The following GRIP1 variants were observed in gnomAD, a reference collection of about 807,000 sequenced individuals.
The protein encoded by GRIP1 is glutamate receptor interacting protein 1, also known as glutamate receptor-interacting protein 1.
In GRIP1, 45 loss-of-function variants were observed where a neutral mutation model predicts 129.9. The observed-to-expected ratio is 0.35, with a 90% CI of 0.27 to 0.44. GRIP1 has a LOEUF of 0.44. Among genes scored for constraint, GRIP1 ranks in the 20% least tolerant of loss-of-function variants. The pLI is 1.00. For missense variants in GRIP1, 1,196 were observed against 1,396.8 expected, an observed-to-expected ratio of 0.86 and a Z score of 2.29; for synonymous variants, 530 against 520.8, an observed-to-expected ratio of 1.02 and a Z score of -0.24.
At chr12:66,492,459 G>C (rs867989934) in intron 7 of GRIP1, among the ~76,000 whole-genome samples, 2 of 152,062 alleles carry the variant, frequency 1.3e-5, no homozygotes, top group Non-Finnish European at 2.9e-5. Flanking sequence ...CCAATGTCCT[G>C]TCAACCGGGA....
chr12:66,579,994 G>C (rs1172400660), intron 2 of GRIP1, among the ~76,000 whole-genome samples: 2 of 142,164 alleles, frequency 1.4e-5, no homozygotes, highest in Non-Finnish European at 3.1e-5. Context: ...AAAATGTTAA[G>C]GGCAGCCAGA....
At chr12:66,994,175 G>A (rs2042433544) in intron 1 of GRIP1, among the ~76,000 whole-genome samples, 1 of 150,338 alleles carries the variant, frequency 6.7e-6, no homozygotes, top group African/African-American at 2.4e-5. Flanking sequence ...GTATTGCCCT[G>A]ATATCAAAAC....
intron 19 of GRIP1, among the ~76,000 whole-genome samples, chr12:66,382,950 T>C (rs1029715516): frequency 4.6e-5 from 7 of 152,032 alleles, no homozygotes; most frequent in African/African-American, 1.7e-4. Context: ...AAAAATGACA[T>C]ATAAGCTTGC....
At chr12:66,588,678 T>A (rs1446542849) in intron 2 of GRIP1, among the ~76,000 whole-genome samples, 2 of 152,076 alleles carry the variant, frequency 1.3e-5, no homozygotes, top group African/African-American at 2.4e-5. Flanking sequence ...CTCTCAGAAC[T>A]TCAGTTTGCT....
At chr12:66,452,110 C>T (rs563651540) in intron 11 of GRIP1, among the ~76,000 whole-genome samples, 67 of 152,292 alleles carry the variant, frequency 4.4e-4, no homozygotes, top group Non-Finnish European at 6.0e-4. Flanking sequence ...TGGGAAGAGA[C>T]GGAGTCTCTA....
intron 1 of GRIP1, among the ~76,000 whole-genome samples, chr12:66,737,209 G>A (rs994694877): frequency 2.6e-5 from 4 of 152,038 alleles, no homozygotes; most frequent in Non-Finnish European, 4.4e-5. Flanking sequence ...TGACTGACTC[G>A]TTTTTTTCTT....
chr12:66,679,563 G>C (rs1316394860), upstream of GRIP1, among the ~76,000 whole-genome samples: 1 of 151,428 alleles, frequency 6.6e-6, no homozygotes, highest in African/African-American at 2.4e-5. Flanking sequence ...AGACCTCTTT[G>C]GTACTTCCTG....
chr12:66,549,240 G>C (rs779056683), intron 2 of GRIP1, among the ~76,000 whole-genome samples: 4 of 152,080 alleles, frequency 2.6e-5, no homozygotes, highest in African/African-American at 4.8e-5. Context: ...GAATTATAAT[G>C]GGGTGGTGAG....
Position 66,576,017 on chromosome 12 carries a change from A to AC in GRIP1, c.136+20829_136+20830insG, listed in dbSNP as rs1210899042. On this transcript the variant is annotated intron_variant, in intron 2 of 24. Transcript: ENST00000359742. ...AACATGACTATGAAATGAAGATAAA[A>AC]ATCAAAGGTATGCTGAAAGGCTGGA... Among the ~76,000 whole-genome samples, 6 of 152,324 alleles carry AC rather than the reference A, an allele frequency of 3.9e-5. No individual in the cohort carries two copies. In the East Asian group the frequency reaches 1.2e-3, roughly 29 times the overall value.
intron 1 of GRIP1, among the ~76,000 whole-genome samples, chr12:66,638,926 T>A (rs894241099): frequency 4.6e-5 from 7 of 152,182 alleles, no homozygotes; most frequent in African/African-American, 4.8e-5. Context: ...TTACATAAGC[T>A]CCTTGTGTTT....
At chr12:66,479,683 C>G (rs12830991) in intron 7 of GRIP1, among the ~76,000 whole-genome samples, 21,775 of 152,172 alleles carry the variant, frequency 0.14, 1,678 homozygotes, top group Non-Finnish European at 0.18. Context: ...AAAACTCTGA[C>G]AAACTTAATA....
intron 2 of GRIP1, among the ~76,000 whole-genome samples, chr12:66,580,907 C>T (rs1431158207): frequency 6.6e-6 from 1 of 152,018 alleles, no homozygotes; most frequent in Admixed American, 6.5e-5. Flanking sequence ...ATCAAGCGGA[C>T]CTAATAGACA....
intron 1 of GRIP1, among the ~76,000 whole-genome samples, chr12:66,597,817 G>T (rs2064114459): frequency 6.6e-6 from 1 of 151,926 alleles, no homozygotes; most frequent in African/African-American, 2.4e-5. Flanking sequence ...AGTAATCTAG[G>T]ATGGCAAATA....
At chr12:66,613,880 C>G (rs896533968) in intron 1 of GRIP1, among the ~76,000 whole-genome samples, 1 of 152,156 alleles carries the variant, frequency 6.6e-6, no homozygotes, top group African/African-American at 2.4e-5. Context: ...GTATTAGGTA[C>G]CATCCACTTC....
chr12:66,893,929 G>A (rs1386695181), intron 1 of GRIP1, among the ~76,000 whole-genome samples: 1 of 152,090 alleles, frequency 6.6e-6, no homozygotes, highest in African/African-American at 2.4e-5. Flanking sequence ...CCCAGCCCCT[G>A]ATCCCGCTCT....
intron 1 of GRIP1, among the ~76,000 whole-genome samples, chr12:66,851,647 A>G (rs1237652637): frequency 6.6e-6 from 1 of 151,996 alleles, no homozygotes; most frequent in African/African-American, 2.4e-5. Flanking sequence ...CAGTTTCTCC[A>G]TTTTACAAAT....
intron 1 of GRIP1, among the ~76,000 whole-genome samples, chr12:66,942,201 T>G (rs574822308): frequency 6.6e-6 from 1 of 152,218 alleles, no homozygotes; most frequent in Non-Finnish European, 1.5e-5. Context: ...CCAAGCTAGT[T>G]GTGGCTGCCA....
intron 4 of GRIP1, among the ~76,000 whole-genome samples, chr12:66,533,510 T>C (rs956986536): frequency 6.6e-6 from 1 of 152,024 alleles, no homozygotes; most frequent in East Asian, 2.0e-4. Context: ...CCGGACATAA[T>C]GGTGGGCACC....
intron 11 of GRIP1, among the ~76,000 whole-genome samples, chr12:66,452,000 G>C (rs2058821422): frequency 6.6e-6 from 1 of 152,174 alleles, no homozygotes; most frequent in Non-Finnish European, 1.5e-5. Context: ...TCTTTTCAAT[G>C]GCACTCTCTC....
Sources: allele counts gnomAD v4.1 joint callset (sites outside exome capture counted in the v4.1 genomes callset), GRCh38; gene constraint gnomAD v4.1.1; transcripts MANE v1.5; gene names NCBI Gene and HGNC (gene_info 2026-07-23, HGNC 2026-07-21).